The following CEP85 variants were observed in gnomAD, a reference collection of about 807,000 sequenced individuals.
CEP85 encodes the protein centrosomal protein of 85 kDa.
A neutral mutation model predicts 93.7 loss-of-function variants in CEP85; 58 were observed. The observed-to-expected ratio is 0.62, with a 90% CI of 0.50 to 0.77. CEP85 has a LOEUF of 0.77. Among genes scored for constraint, CEP85 ranks in the 30% least tolerant of loss-of-function variants. The probability of loss-of-function intolerance (pLI) is 0.00; values close to 1 mark genes in which losing one functional copy is unlikely to be tolerated. For missense variants in CEP85, 868 were observed against 922.0 expected (o/e 0.94, Z 0.76); for synonymous variants, 314 against 338.6 (o/e 0.93, Z 0.80).
rs2089809948 is a variant in CEP85, at chr1:26,261,659, CTG to C, written c.1341+1860_1341+1861del. Among the ~76,000 whole-genome samples the C allele has an allele frequency of 2.0e-5, 3 of 151,164 alleles. No individual in the cohort carries two copies. In the South Asian group the frequency reaches 6.2e-4, roughly 31 times the overall value. On this transcript the variant is annotated intron_variant, in intron 7 of 13. Coordinates refer to ENST00000451429, the MANE Select transcript of CEP85 (RefSeq NM_001319944.2). ...CCTATAATTCCAGCACTTTGGGAGA[CTG>C]TGGCAAGAGAATTGCTTGAGCTCAG... is the stretch of plus-strand genomic sequence containing the variant.
At chr1:26,250,941 T>TTTTC (rs1557653772) in intron 3 of CEP85, among the ~76,000 whole-genome samples, 1 of 111,098 alleles carries the variant, frequency 9.0e-6, no homozygotes, top group African/African-American at 3.3e-5. Context: ...TCTTTTTTTT[T>TTTTC]TTTTTTTTTT....
chr1:26,259,123 G>C (rs1299137161), intron 6 of CEP85, among the ~76,000 whole-genome samples: 1 of 152,166 alleles, frequency 6.6e-6, no homozygotes, highest in East Asian at 1.9e-4. Context: ...AGTGGGAAGT[G>C]CCTTAAATAA....
At chr1:26,255,078 C>A in intron 3 of CEP85, 93 bp from the exon 4 acceptor site, 1 of 1,037,014 alleles carries the variant, frequency 9.6e-7, no homozygotes, top group Non-Finnish European at 1.4e-6. Context: ...TCTGCTTGGT[C>A]TCAGGACAGG....
At chr1:26,248,051 G>A (rs2089538438) in intron 3 of CEP85, among the ~76,000 whole-genome samples, 1 of 152,096 alleles carries the variant, frequency 6.6e-6, no homozygotes, top group Non-Finnish European at 1.5e-5. Context: ...TAGATTTTGA[G>A]GTACACAGGA....
chr1:26,271,940 T>C (rs946682571), intron 10 of CEP85, 81 bp from the exon 11 acceptor site: 2 of 1,179,118 alleles, frequency 1.7e-6, no homozygotes, highest in Non-Finnish European at 2.5e-6. Flanking sequence ...CCAGACCACA[T>C]GTCCTAGTGC....
At chr1:26,271,951 A>C in intron 10 of CEP85, 70 bp from the exon 11 acceptor site, 1 of 1,353,184 alleles carries the variant, frequency 7.4e-7, no homozygotes, top group East Asian at 2.3e-5. Context: ...GTCCTAGTGC[A>C]GCCCCCTTGC....
At chr1:26,272,639 T>G (rs1171884041) in intron 11 of CEP85, among the ~76,000 whole-genome samples, 1 of 143,714 alleles carries the variant, frequency 7.0e-6, no homozygotes. Context: ...TTTTTTTTTT[T>G]TTTTTGGAGA....
intron 7 of CEP85, among the ~76,000 whole-genome samples, chr1:26,263,875 A>C (rs12142542): frequency 0.019 from 2,825 of 152,262 alleles, 41 homozygotes; most frequent in Non-Finnish European, 0.027. Context: ...TATTCAAGAG[A>C]TGCAAAACCA....
chr1:26,267,695 G>A (rs1006446924), intron 7 of CEP85, among the ~76,000 whole-genome samples: 3 of 152,176 alleles, frequency 2.0e-5, no homozygotes, highest in Non-Finnish European at 4.4e-5. Context: ...ACATTTATGT[G>A]TTTACCTACC....
At chr1:26,256,219 G>A (rs371150714) in intron 4 of CEP85, among the ~76,000 whole-genome samples, 4 of 152,144 alleles carry the variant, frequency 2.6e-5, no homozygotes, top group Non-Finnish European at 4.4e-5. Flanking sequence ...ATCTGTACGG[G>A]GTCATAGAGT....
chr1:26,274,263 G>A (rs1302477994), intron 11 of CEP85, among the ~76,000 whole-genome samples: 1 of 152,076 alleles, frequency 6.6e-6, no homozygotes. Flanking sequence ...TCTCTGAACA[G>A]CATTTAGTAG....
chr1:26,256,426 G>C (rs1407763630), intron 4 of CEP85, among the ~76,000 whole-genome samples: 1 of 151,858 alleles, frequency 6.6e-6, no homozygotes, highest in African/African-American at 2.4e-5. Flanking sequence ...AACTACTCAG[G>C]AGGCTGTGGC....
At position 26,270,927 on chromosome 1, in the gene CEP85, C is replaced by T. The variant is rs2089964593; in HGVS notation, c.1650-87C>T. The T allele has an allele frequency of 9.8e-6, 8 of 818,518 alleles. No homozygotes were observed. In the South Asian group the frequency reaches 1.2e-4, roughly 12 times the overall value. 50.7% of individuals were successfully genotyped at this position (818,518 alleles called of 1,614,324 possible). ...CTACTGCTTGGACTAAGTGTCTTGCCTCAAAATGTGCAATAAGTAGCAGAA... is the reference window on the plus strand; with the variant it reads ...CTACTGCTTGGACTAAGTGTCTTGCTTCAAAATGTGCAATAAGTAGCAGAA... On this transcript the variant is annotated intron_variant, in intron 9 of 13. Coordinates refer to ENST00000451429, the MANE Select transcript of CEP85 (RefSeq NM_001319944.2).
In CEP85 at chr1:26,269,571, A is replaced by T. The variant is rs758228279; in HGVS notation, c.1606A>T (p.Ser536Cys). 3.7e-6 allele frequency: 6 copies of T among 1,614,142 alleles called. 1 individual carries two copies. In the South Asian group the frequency reaches 5.5e-5, roughly 15 times the overall value. Residue 536 changes from serine (S) to cysteine (C), a missense_variant, in exon 9 of 14, where the codon AGC (serine) becomes TGC (cysteine). Physicochemically the swap from Ser to Cys is moderately radical, Grantham distance 112 (BLOSUM62 -1). Coordinates refer to ENST00000451429, the MANE Select transcript of CEP85 (RefSeq NM_001319944.2). Reference sequence around the variant, plus strand: ...CAGAGAGAAGGAGATTCAACTGGAAAGCCTGAGGCAGAGAGAAGCAGAATT... The same window carrying T: ...CAGAGAGAAGGAGATTCAACTGGAATGCCTGAGGCAGAGAGAAGCAGAATT... ...ICREKEIQLE[S>C]LRQREAEFSS... is the part of the protein sequence containing the mutation.
intron 3 of CEP85, among the ~76,000 whole-genome samples, chr1:26,250,925 C>CCTTTTTTTTTTTTTTTTTTTTTTTTTTT (rs2089598435): frequency 1.8e-5 from 1 of 55,160 alleles, no homozygotes; most frequent in African/African-American, 5.9e-5. Context: ...TTTTTTTTTT[C>CCTTTTTTTTTTTTTTTTTTTTTTTTTTT]TTTTTTCTTT....
At chr1:26,244,769 G>A (rs1311252474) in intron 3 of CEP85, among the ~76,000 whole-genome samples, 1 of 152,016 alleles carries the variant, frequency 6.6e-6, no homozygotes, top group African/African-American at 2.4e-5. Flanking sequence ...AGAACCACCT[G>A]CCTCGGCCTC....
chr1:26,240,636 T>C (rs1350001027), intron 2 of CEP85, among the ~76,000 whole-genome samples: 1 of 152,210 alleles, frequency 6.6e-6, no homozygotes, highest in Non-Finnish European at 1.5e-5. Context: ...GGCTCATGCC[T>C]GTAATCCCAG....
chr1:26,269,284 T>C lies in CEP85; in HGVS notation c.1495-176T>C, dbSNP rs2089937107. 25 of 610,598 alleles carry C rather than the reference T, an allele frequency of 4.1e-5. 1 individual carries two copies. In the South Asian group the frequency reaches 4.9e-4, roughly 12 times the overall value. 37.8% of individuals were successfully genotyped at this position (610,598 alleles called of 1,614,324 possible). On this transcript the variant is annotated intron_variant, in intron 8 of 13. Transcript: ENST00000451429. ...CTCCTTCCCCTCCCCTGTCCAGTTGTGTTCTCACCATTGTTCCATCTGCGA... is the reference window on the plus strand; with the variant it reads ...CTCCTTCCCCTCCCCTGTCCAGTTGCGTTCTCACCATTGTTCCATCTGCGA...
chr1:26,265,647 ATAC>A (rs1384924196), intron 7 of CEP85, among the ~76,000 whole-genome samples: 1 of 152,194 alleles, frequency 6.6e-6, no homozygotes, highest in Non-Finnish European at 1.5e-5. Context: ...TAGTGAGCTG[ATAC>A]TTCAGTTCAG....
Sources: allele counts gnomAD v4.1 joint callset (sites outside exome capture counted in the v4.1 genomes callset), GRCh38; gene constraint gnomAD v4.1.1; transcripts MANE v1.5; gene names NCBI Gene and HGNC (gene_info 2026-07-23, HGNC 2026-07-21).